Variants in CA8 observed in about 807,000 individuals in gnomAD.
The protein encoded by CA8 is carbonic anhydrase-related protein.
A neutral mutation model predicts 41.4 loss-of-function variants in CA8; 22 were observed. The ratio of observed to expected loss-of-function variants is 0.53; its 90% CI spans 0.38 to 0.76. The LOEUF is 0.76. Ranked by LOEUF, CA8 falls within the 30% of genes least tolerant of loss-of-function variation. The pLI, the probability that CA8 is intolerant of heterozygous loss-of-function variation, is 0.00. For synonymous variants in CA8, 121 were observed against 130.6 expected (o/e 0.93, Z 0.50); for missense variants, 270 against 352.8 (o/e 0.77, Z 1.88).
intron 7 of CA8, 99 bp from the exon 8 acceptor site, chr8:60,209,018 AG>A: frequency 4.8e-6 from 6 of 1,262,486 alleles, no homozygotes; most frequent in Non-Finnish European, 6.7e-6. Context: ...ATAAATTACA[AG>A]AATTATTGAA....
chr8:60,247,018 G>A (rs1370705703), intron 3 of CA8, among the ~76,000 whole-genome samples: 1 of 151,264 alleles, frequency 6.6e-6, no homozygotes, highest in Non-Finnish European at 1.5e-5. Context: ...CGAGTAGCTG[G>A]GACTACAGGC....
intron 7 of CA8, among the ~76,000 whole-genome samples, chr8:60,214,704 G>A (rs773367402): frequency 3.9e-5 from 6 of 152,156 alleles, no homozygotes; most frequent in Non-Finnish European, 7.3e-5. Context: ...CACATGCCAG[G>A]CACTAACTCG....
At chr8:60,229,668 CTT>C (rs1230686733) in intron 4 of CA8, among the ~76,000 whole-genome samples, 12 of 152,152 alleles carry the variant, frequency 7.9e-5, no homozygotes, top group Admixed American at 7.9e-4. Context: ...ATTCTGAAAA[CTT>C]TAACTCTGAA....
In CA8 at chr8:60,281,154, G is replaced by A. The variant is rs1421333145; in HGVS notation, c.-7C>T. The A allele has an allele frequency of 6.5e-7, 1 of 1,550,016 alleles. No homozygotes were observed. Among genetic ancestry groups the A allele is most frequent in the Non-Finnish European group, 8.7e-7 (1 of 1,147,774 alleles). On this transcript the variant is annotated 5_prime_UTR_variant, in exon 1 of 9. Coordinates refer to ENST00000317995, the MANE Select transcript of CA8 (RefSeq NM_004056.6). Reference sequence around the variant, plus strand: ...TGAAGCTCAGGTCCGCCATGGGAAGGCCGCGGGGCCCCTCGGCGCTCTCGG... The same window carrying A: ...TGAAGCTCAGGTCCGCCATGGGAAGACCGCGGGGCCCCTCGGCGCTCTCGG...
intron 2 of CA8, among the ~76,000 whole-genome samples, chr8:60,273,117 A>C (rs1804122383): frequency 6.6e-6 from 1 of 152,200 alleles, no homozygotes; most frequent in Non-Finnish European, 1.5e-5. Flanking sequence ...TATAATTCCC[A>C]TAGTAAATTA....
chr8:60,250,974 A>G (rs1319032805), intron 3 of CA8, among the ~76,000 whole-genome samples: 1 of 152,346 alleles, frequency 6.6e-6, no homozygotes, highest in African/African-American at 2.4e-5. Flanking sequence ...AGTTATATTT[A>G]ATTTTATACA....
intron 3 of CA8, among the ~76,000 whole-genome samples, chr8:60,235,149 A>G (rs1807787780): frequency 6.6e-6 from 1 of 152,162 alleles, no homozygotes; most frequent in African/African-American, 2.4e-5. Flanking sequence ...TGGCTTAAAC[A>G]ACAGACATTT....
chr8:60,227,576 T>C (rs1449105283), intron 4 of CA8, among the ~76,000 whole-genome samples: 1 of 152,200 alleles, frequency 6.6e-6, no homozygotes, highest in Non-Finnish European at 1.5e-5. Context: ...TTAAAACTAC[T>C]CAGTACATGT....
At chr8:60,273,461 A>G (rs1804133851) in intron 2 of CA8, among the ~76,000 whole-genome samples, 1 of 152,238 alleles carries the variant, frequency 6.6e-6, no homozygotes. Context: ...AGAGCCTATC[A>G]CTGTGGCTCC....
intron 7 of CA8, among the ~76,000 whole-genome samples, chr8:60,218,615 C>T (rs566308233): frequency 1.1e-4 from 17 of 152,072 alleles, no homozygotes; most frequent in Non-Finnish European, 5.9e-5. Flanking sequence ...GGGTCAATGA[C>T]AAGTAAAAGC....
chr8:60,242,468 G>C (rs898793023), intron 3 of CA8, among the ~76,000 whole-genome samples: 2 of 152,202 alleles, frequency 1.3e-5, no homozygotes, highest in Non-Finnish European at 2.9e-5. Context: ...GATCCCAAGA[G>C]GGAGGGTTGG....
chr8:60,188,171 T>A lies in CA8; in HGVS notation c.*1850A>T, dbSNP rs535812824. The A allele has an allele frequency of 1.3e-5, 2 of 152,294 alleles. No individual in the cohort carries two copies. Among genetic ancestry groups the A allele is most frequent in the South Asian group, 2.1e-4 (1 of 4,828 alleles). 9.4% of individuals were successfully genotyped at this position (152,294 alleles called of 1,614,324 possible). ...TTCAAATTGCTTCAATATACAGACA[T>A]AAACACACATACACACACACCTGTG... On this transcript the variant is annotated 3_prime_UTR_variant, in exon 9 of 9. Transcript: ENST00000317995.
At chr8:60,263,076 C>T (rs961701336) in intron 3 of CA8, among the ~76,000 whole-genome samples, 1 of 152,138 alleles carries the variant, frequency 6.6e-6, no homozygotes, top group African/African-American at 2.4e-5. Flanking sequence ...CACGGTGGCT[C>T]ACGCCTGTAA....
intron 3 of CA8, among the ~76,000 whole-genome samples, chr8:60,262,913 A>G (rs768496037): frequency 1.3e-5 from 2 of 152,224 alleles, no homozygotes; most frequent in Non-Finnish European, 2.9e-5. Flanking sequence ...TAAACCATTT[A>G]AAGTCCCAAA....
intron 3 of CA8, chr8:60,232,749 G>A (rs1297520200): frequency 1.1e-5 from 3 of 281,670 alleles, no homozygotes; most frequent in Non-Finnish European, 2.1e-5. Context: ...TCATTCAAAG[G>A]ATGAATACCT....
At chr8:60,267,833 T>C (rs372177587) in intron 2 of CA8, among the ~76,000 whole-genome samples, 4 of 152,356 alleles carry the variant, frequency 2.6e-5, no homozygotes, top group African/African-American at 9.6e-5. Context: ...AAAAAACTTT[T>C]AATATATGGA....
chr8:60,272,873 T>C (rs1804114966), intron 2 of CA8, among the ~76,000 whole-genome samples: 1 of 152,222 alleles, frequency 6.6e-6, no homozygotes, highest in Non-Finnish European at 1.5e-5. Context: ...AATGAACACG[T>C]ATGTTTAGTT....
intron 3 of CA8, among the ~76,000 whole-genome samples, chr8:60,244,625 T>C (rs975596756): frequency 1.3e-5 from 2 of 152,234 alleles, no homozygotes; most frequent in Non-Finnish European, 2.9e-5. Flanking sequence ...ACTGTCAATT[T>C]TCACACTCCA....
At chr8:60,199,216 T>C (rs989405514) in intron 8 of CA8, among the ~76,000 whole-genome samples, 1 of 151,766 alleles carries the variant, frequency 6.6e-6, no homozygotes, top group Non-Finnish European at 1.5e-5. Flanking sequence ...TCATAAAAGA[T>C]TTTTTTTCCC....
Sources: gnomAD v4.1 joint callset for allele counts (sites outside exome capture counted in the v4.1 genomes callset) on GRCh38, gnomAD v4.1.1 for gene constraint, MANE v1.5 for transcripts, NCBI Gene and HGNC (gene_info 2026-07-23, HGNC 2026-07-21) for gene names.